Variants in FARP2 observed in about 807,000 individuals in gnomAD.
The protein encoded by FARP2 is FERM, ARH/RhoGEF and pleckstrin domain protein 2, also known as FERM, ARHGEF and pleckstrin domain-containing protein 2.
FARP2 carries 111 observed loss-of-function variants against 130.5 expected under a neutral mutation model. That is an observed-to-expected ratio of 0.85 (90% CI 0.73 to 1.00). The LOEUF is 1.00. Among genes scored for constraint, FARP2 ranks in the 50% least tolerant of loss-of-function variants. FARP2 has a pLI of 0.00. For synonymous variants in FARP2, 504 were observed against 516.9 expected (o/e 0.98, Z 0.34); for missense variants, 1,385 against 1,346.3 (o/e 1.03, Z -0.45).
chr2:241,422,505 A>G (rs1440754320), intron 8 of FARP2, among the ~76,000 whole-genome samples: 1 of 152,180 alleles, frequency 6.6e-6, no homozygotes, highest in East Asian at 1.9e-4. Context: ...AAACCCACAG[A>G]GATGAGAAAA....
chr2:241,362,366 G>A (rs1346386018), intron 1 of FARP2, among the ~76,000 whole-genome samples: 1 of 152,070 alleles, frequency 6.6e-6, no homozygotes, highest in East Asian at 1.9e-4. Flanking sequence ...CACTCTGGGA[G>A]GCTGAGGTGG....
intron 13 of FARP2, chr2:241,445,151 T>C (rs892627915): frequency 2.7e-5 from 4 of 146,168 alleles, no homozygotes; most frequent in Non-Finnish European, 4.4e-5. Context: ...AGGATGGTCT[T>C]GAATTCCTGG....
At chr2:241,488,223 C>T (rs940573336) in intron 21 of FARP2, 2 of 152,162 alleles carry the variant, frequency 1.3e-5, no homozygotes, top group African/African-American at 2.4e-5. Flanking sequence ...ATGCTTATCA[C>T]TTTCACACCA....
intron 2 of FARP2, among the ~76,000 whole-genome samples, chr2:241,377,847 A>G (rs2061573798): frequency 6.6e-6 from 1 of 152,016 alleles, no homozygotes; most frequent in African/African-American, 2.4e-5. Flanking sequence ...AAACCTGTGG[A>G]TACAGAGGAC....
intron 8 of FARP2, among the ~76,000 whole-genome samples, chr2:241,430,148 A>G (rs528299011): frequency 1.6e-4 from 25 of 152,132 alleles, no homozygotes; most frequent in Admixed American, 1.0e-3. Context: ...TGTTGGTTTC[A>G]TTATTTATTT....
chr2:241,489,490 TG>T (rs1425459862), intron 21 of FARP2: 1 of 153,478 alleles, frequency 6.5e-6, no homozygotes, highest in East Asian at 1.9e-4. Context: ...CAACCTTACT[TG>T]ATCGTGGGAC....
chr2:241,494,093 C>G lies in FARP2; in HGVS notation c.3133C>G (p.Leu1045Val). The G allele has an allele frequency of 6.8e-7, 1 of 1,470,026 alleles. No individual in the cohort carries two copies. Among genetic ancestry groups the G allele is most frequent in the Non-Finnish European group, 8.9e-7 (1 of 1,118,334 alleles). The allele number at this position is 1,470,026 out of a possible 1,614,324, so 91.1% of individuals were successfully genotyped here. Residue 1045 changes from leucine to valine, a missense_variant, in exon 27 of 27, where the codon CTG (leucine) becomes GTG (valine). By Grantham distance (32) the Leu-to-Val change is conservative. Transcript: ENST00000264042. The surrounding 1 kb of genome is among the most constrained non-coding windows in gnomAD (Gnocchi z 4.9). ...GGATGGCCCCCAACCCTCCTCAGGGCTGGAGGGGATGGTCAGGGGGAAGGA... is the reference window on the plus strand; with the variant it reads ...GGATGGCCCCCAACCCTCCTCAGGGGTGGAGGGGATGGTCAGGGGGAAGGA... ...VQDGPQPSSG[L>V]EGMVRGKEE
intron 11 of FARP2, among the ~76,000 whole-genome samples, chr2:241,436,252 C>T (rs575209959): frequency 2.0e-5 from 3 of 152,092 alleles, no homozygotes; most frequent in East Asian, 1.9e-4. Context: ...TTTCTCCGCA[C>T]GTGGAATTTT....
At chr2:241,455,025 C>T (rs889550997) in intron 13 of FARP2, among the ~76,000 whole-genome samples, 2 of 152,194 alleles carry the variant, frequency 1.3e-5, no homozygotes, top group African/African-American at 4.8e-5. Flanking sequence ...GTTGCTTATG[C>T]CAACCCAGCA....
intron 8 of FARP2, among the ~76,000 whole-genome samples, chr2:241,423,543 A>G (rs1393534222): frequency 1.3e-5 from 2 of 152,366 alleles, no homozygotes; most frequent in Non-Finnish European, 2.9e-5. Context: ...CTATAAAGCA[A>G]CCACAAAAAC....
intron 21 of FARP2, 46 bp downstream of exon 21, chr2:241,484,377 C>A: frequency 6.6e-7 from 1 of 1,507,302 alleles, no homozygotes; most frequent in Non-Finnish European, 9.2e-7. Flanking sequence ...TGGTGCTGGG[C>A]TGGGCCCCAC....
At chr2:241,364,715 A>G (rs1273369866) in intron 1 of FARP2, among the ~76,000 whole-genome samples, 1 of 152,244 alleles carries the variant, frequency 6.6e-6, no homozygotes, top group Admixed American at 6.5e-5. Context: ...GAGTGAATTC[A>G]TAATGCATGG....
chr2:241,484,548 T>A (rs922765819), intron 21 of FARP2, among the ~76,000 whole-genome samples: 1 of 152,212 alleles, frequency 6.6e-6, no homozygotes, highest in African/African-American at 2.4e-5. Context: ...CTGCCCTGTC[T>A]CTAGTCCATG....
Position 241,436,552 on chromosome 2 carries a change from G to C in FARP2, c.1158+14G>C. The C allele has an allele frequency of 1.2e-6, 2 of 1,611,194 alleles. No individual in the cohort carries two copies. Among genetic ancestry groups the C allele is most frequent in the Non-Finnish European group, 1.7e-6 (2 of 1,177,306 alleles). On this transcript the variant is annotated intron_variant, in intron 12 of 26. Coordinates refer to ENST00000264042, the MANE Select transcript of FARP2 (RefSeq NM_014808.4). Reference sequence around the variant, plus strand: ...CTACCAAAACAGGTTAGTCTCTTCCGGTTCAACATGGGGGCAGTAGGAGTT... The same window carrying C: ...CTACCAAAACAGGTTAGTCTCTTCCCGTTCAACATGGGGGCAGTAGGAGTT...
chr2:241,384,663 A>G (rs2061742819), intron 2 of FARP2, among the ~76,000 whole-genome samples: 1 of 152,204 alleles, frequency 6.6e-6, no homozygotes, highest in Admixed American at 6.5e-5. Flanking sequence ...CCTTGCTAAT[A>G]TGCATCCATA....
intron 13 of FARP2, among the ~76,000 whole-genome samples, chr2:241,448,961 T>C (rs548266575): frequency 6.6e-6 from 1 of 152,198 alleles, no homozygotes; most frequent in African/African-American, 2.4e-5. Context: ...GAATGCACAG[T>C]AAGAGATGAA....
chr2:241,430,234 T>G (rs1402081899), intron 8 of FARP2, among the ~76,000 whole-genome samples: 1 of 152,252 alleles, frequency 6.6e-6, no homozygotes, highest in East Asian at 1.9e-4. Flanking sequence ...ACATGTCCTT[T>G]CATTTTATGA....
At chr2:241,385,709 G>C (rs1478546054) in intron 2 of FARP2, among the ~76,000 whole-genome samples, 1 of 151,862 alleles carries the variant, frequency 6.6e-6, no homozygotes, top group African/African-American at 2.4e-5. Context: ...GACAGAGCCA[G>C]ACCTTGTCTC....
chr2:241,492,919 T>A lies in FARP2; in HGVS notation c.2788-10T>A. 1 of 1,565,484 alleles carries A rather than the reference T, an allele frequency of 6.4e-7. No individual in the cohort carries two copies. Among genetic ancestry groups the A allele is most frequent in the Non-Finnish European group, 8.8e-7 (1 of 1,135,756 alleles). ...TGGTTAATGCACCTGCATTTTTCCT[T>A]TATTGACAGAACCAGCTTTCAGGAT... On this transcript the variant is annotated splice_polypyrimidine_tract_variant and intron_variant, in intron 24 of 26. Coordinates refer to ENST00000264042, the MANE Select transcript of FARP2 (RefSeq NM_014808.4).
Sources: allele counts gnomAD v4.1 joint callset (sites outside exome capture counted in the v4.1 genomes callset), GRCh38; gene constraint gnomAD v4.1.1; non-coding constraint Gnocchi (gnomAD v3.1); transcripts MANE v1.5; gene names NCBI Gene and HGNC (gene_info 2026-07-23, HGNC 2026-07-21).